Variants in PMEPA1 observed in about 807,000 individuals in gnomAD.
PMEPA1 encodes the protein prostate transmembrane protein, androgen induced 1, also known as protein TMEPAI.
PMEPA1 carries 11 observed loss-of-function variants against 23.0 expected under a neutral mutation model. The observed-to-expected ratio is 0.48, with a 90% CI of 0.30 to 0.79. The LOEUF (loss-of-function observed/expected upper bound fraction) is 0.79. Among genes scored for constraint, PMEPA1 ranks in the 30% least tolerant of loss-of-function variants. PMEPA1 has a pLI of 0.06. For synonymous variants in PMEPA1, 204 were observed against 166.4 expected, an observed-to-expected ratio of 1.23 and a Z score of -1.74; for missense variants, 377 against 390.9, an observed-to-expected ratio of 0.96 and a Z score of 0.30.
chr20:57,661,896 C>T (rs947839368), intron 1 of PMEPA1, among the ~76,000 whole-genome samples: 5 of 149,774 alleles, frequency 3.3e-5, no homozygotes, highest in Admixed American at 2.7e-4. Context: ...AGAACTTCCC[C>T]GTCTCGGGCA....
At position 57,683,731 on chromosome 20, in the gene PMEPA1, C is replaced by T. The variant is rs1030785270; in HGVS notation, c.110-24034G>A. Among the ~76,000 whole-genome samples the T allele has an allele frequency of 6.6e-6, 1 of 151,962 alleles. No individual in the cohort carries two copies. The highest frequency in any genetic ancestry group is 2.1e-4 in the South Asian group (1 of 4,762). ...ACAGTCACCCCACTTCCCCACTCCG[C>T]GGGGAAATTTACAGGCTTCCAGGCT... On this transcript the variant is annotated intron_variant, in intron 1 of 3. Transcript: ENST00000341744. This position sits in a 1 kb window ranked among gnomAD's most constrained non-coding sequence, Gnocchi z 4.3.
intron 1 of PMEPA1, among the ~76,000 whole-genome samples, chr20:57,671,354 C>T (rs1198621535): frequency 1.3e-5 from 2 of 151,994 alleles, no homozygotes; most frequent in African/African-American, 2.4e-5. Context: ...AAATGGGGAA[C>T]GGGTGGGCGT....
In PMEPA1 at chr20:57,666,849, C is replaced by T. The variant is rs75121029; in HGVS notation, c.110-7152G>A. ...CCAAGCCCCTCACCACGAAAGACTTCACCCTGTCTCTGAGTTTTTCATGAC... is the reference window on the plus strand; with the variant it reads ...CCAAGCCCCTCACCACGAAAGACTTTACCCTGTCTCTGAGTTTTTCATGAC... On this transcript the variant is annotated intron_variant, in intron 1 of 3. Transcript: ENST00000341744. 2.8e-3 allele frequency among the ~76,000 whole-genome samples: 428 copies of T among 152,360 alleles called. 4 individuals are homozygous for T. The highest frequency in any genetic ancestry group is 0.01 in the African/African-American group (416 of 41,586).
chr20:57,680,054 G>A lies in PMEPA1; in HGVS notation c.110-20357C>T, dbSNP rs182100002. On this transcript the variant is annotated intron_variant, in intron 1 of 3. Coordinates refer to ENST00000341744, the MANE Select transcript of PMEPA1 (RefSeq NM_020182.5). ...GACCTTGACCATCTTTGCAAGGTGA[G>A]CCTAGCTTGTGGCATGGAGTCTGGC... Among the ~76,000 whole-genome samples the A allele has an allele frequency of 4.1e-4, 62 of 152,326 alleles. 1 individual carries two copies. The highest frequency in any genetic ancestry group is 8.5e-4 in the Admixed American group (13 of 15,310).
intron 1 of PMEPA1, among the ~76,000 whole-genome samples, chr20:57,661,196 T>C (rs1033905127): frequency 6.6e-6 from 1 of 152,218 alleles, no homozygotes. Flanking sequence ...AACCCTCAAG[T>C]GCTGGAATAG....
chr20:57,707,389 G>GC (rs777186916), intron 1 of PMEPA1, among the ~76,000 whole-genome samples: 1 of 152,190 alleles, frequency 6.6e-6, no homozygotes, highest in Non-Finnish European at 1.5e-5. Flanking sequence ...TTCCCTCCGT[G>GC]CCTTGCAGCT....
At chr20:57,676,182 G>C (rs1394530531) in intron 1 of PMEPA1, among the ~76,000 whole-genome samples, 1 of 152,230 alleles carries the variant, frequency 6.6e-6, no homozygotes, top group Non-Finnish European at 1.5e-5. Flanking sequence ...CCTGGCTCTG[G>C]ATTCGAATCC....
In PMEPA1 at chr20:57,683,521, T is replaced by C. The variant is rs558438785; in HGVS notation, c.110-23824A>G. Among the ~76,000 whole-genome samples the C allele has an allele frequency of 3.4e-5, 5 of 148,832 alleles. No individual in the cohort carries two copies. Among genetic ancestry groups the C allele is most frequent in the African/African-American group, 1.3e-4 (5 of 39,634 alleles). The stretch of plus-strand genomic sequence containing the variant: ...CATGCATTACGAACTTGCATTACTA[T>C]ACTAACTCGGTGGTGGTGTTCTGGC... On this transcript the variant is annotated intron_variant, in intron 1 of 3. Transcript: ENST00000341744. The surrounding 1 kb of genome is among the most constrained non-coding windows in gnomAD (Gnocchi z 4.3).
Position 57,655,652 on chromosome 20 carries a change from C to T in PMEPA1, c.265-2566G>A, listed in dbSNP as rs529396068. On this transcript the variant is annotated intron_variant, in intron 2 of 3. Transcript: ENST00000341744. This position sits in a 1 kb window ranked among gnomAD's most constrained non-coding sequence, Gnocchi z 4.2. ...CCAGGTGGAGGACAAGGACAGGTTC[C>T]AATCCTACAGCCACTGCTGACGAGC... 7.2e-5 allele frequency among the ~76,000 whole-genome samples: 11 copies of T among 152,304 alleles called. No homozygotes were observed. The highest frequency in any genetic ancestry group is 2.2e-4 in the African/African-American group (9 of 41,560).
At chr20:57,666,065 G>C (rs1017754971) in intron 1 of PMEPA1, among the ~76,000 whole-genome samples, 4 of 152,122 alleles carry the variant, frequency 2.6e-5, no homozygotes, top group Admixed American at 6.5e-5. Context: ...CTTGGGGAGG[G>C]TGATGAATGC....
chr20:57,652,976 C>G lies in PMEPA1; in HGVS notation c.318+57G>C. 1.4e-6 allele frequency: 2 copies of G among 1,426,356 alleles called. No individual in the cohort carries two copies. The highest frequency in any genetic ancestry group is 1.9e-6 in the Non-Finnish European group (2 of 1,028,532). 88.4% of individuals were successfully genotyped at this position (1,426,356 alleles called of 1,614,324 possible). Reference sequence around the variant, plus strand: ...GCAGCCCACACTGTTCCAGCCGCAGCGGGAGCAGCCCAGGGTGGGATGGGG... The same window carrying G: ...GCAGCCCACACTGTTCCAGCCGCAGGGGGAGCAGCCCAGGGTGGGATGGGG... On this transcript the variant is annotated intron_variant, in intron 3 of 3. Coordinates refer to ENST00000341744, the MANE Select transcript of PMEPA1 (RefSeq NM_020182.5). This position sits in a 1 kb window ranked among gnomAD's most constrained non-coding sequence, Gnocchi z 6.1.
intron 1 of PMEPA1, among the ~76,000 whole-genome samples, chr20:57,691,161 A>AC (rs1244995573): frequency 6.6e-6 from 1 of 152,222 alleles, no homozygotes; most frequent in Non-Finnish European, 1.5e-5. Context: ...CACTAGGCCC[A>AC]CCACACAGTA....
chr20:57,662,884 C>CA (rs1026804750), intron 1 of PMEPA1, among the ~76,000 whole-genome samples: 10 of 152,310 alleles, frequency 6.6e-5, no homozygotes, highest in Non-Finnish European at 1.3e-4. Flanking sequence ...ACCCAGACAG[C>CA]AGTGAGACGG....
At chr20:57,703,251 A>G (rs2072035599) in intron 1 of PMEPA1, among the ~76,000 whole-genome samples, 1 of 152,160 alleles carries the variant, frequency 6.6e-6, no homozygotes, top group East Asian at 1.9e-4. Context: ...GCACCTGTTG[A>G]TGGGGGTGGG....
intron 1 of PMEPA1, among the ~76,000 whole-genome samples, chr20:57,687,230 A>G (rs1041226204): frequency 2.6e-5 from 4 of 152,132 alleles, no homozygotes; most frequent in African/African-American, 9.7e-5. Context: ...CAACTGAGCG[A>G]CTTCCTTCTT....
intron 1 of PMEPA1, among the ~76,000 whole-genome samples, chr20:57,695,531 G>A (rs780740190): frequency 6.6e-6 from 1 of 152,218 alleles, no homozygotes; most frequent in Non-Finnish European, 1.5e-5. Flanking sequence ...CCGGCGCAGC[G>A]GCTCACGCCT....
chr20:57,707,224 T>G (rs1247456436), intron 1 of PMEPA1, among the ~76,000 whole-genome samples: 1 of 152,190 alleles, frequency 6.6e-6, no homozygotes, highest in Non-Finnish European at 1.5e-5. Flanking sequence ...ACTAGCTTTT[T>G]TCCTTTCTTT....
At chr20:57,654,293 A>G (rs555331367) in intron 2 of PMEPA1, among the ~76,000 whole-genome samples, 1 of 151,904 alleles carries the variant, frequency 6.6e-6, no homozygotes, top group South Asian at 2.1e-4. Context: ...TGGTTCGGGC[A>G]TATATTTATA....
chr20:57,667,598 T>A (rs2071512279), intron 1 of PMEPA1, among the ~76,000 whole-genome samples: 1 of 152,108 alleles, frequency 6.6e-6, no homozygotes, highest in Non-Finnish European at 1.5e-5. Context: ...GCAGCTGGCG[T>A]CCTTCCTGGT....
Sources: allele counts gnomAD v4.1 joint callset (sites outside exome capture counted in the v4.1 genomes callset), GRCh38; gene constraint gnomAD v4.1.1; non-coding constraint Gnocchi (gnomAD v3.1); transcripts MANE v1.5; gene names NCBI Gene and HGNC (gene_info 2026-07-23, HGNC 2026-07-21).